COL25A1: variants seen among roughly 807,000 people sequenced by gnomAD.
COL25A1 encodes the protein collagen alpha-1(XXV) chain.
Under a neutral mutation model 128.4 loss-of-function variants are expected in COL25A1, and 103 were observed. That is an observed-to-expected ratio of 0.80 (90% CI 0.68 to 0.94). The LOEUF (loss-of-function observed/expected upper bound fraction) is 0.94, where lower values mean the gene tolerates loss of function less well. Ranked by LOEUF, COL25A1 falls within the 40% of genes least tolerant of loss-of-function variation. The pLI is 0.00. For missense variants in COL25A1, 745 were observed against 840.0 expected, an observed-to-expected ratio of 0.89 and a Z score of 1.40; for synonymous variants, 279 against 277.2, an observed-to-expected ratio of 1.01 and a Z score of -0.06.
chr4:109,040,852 GT>G (rs904977536), intron 5 of COL25A1, among the ~76,000 whole-genome samples: 1 of 151,962 alleles, frequency 6.6e-6, no homozygotes, highest in African/African-American at 2.4e-5. Flanking sequence ...GTCTGTTTTG[GT>G]TTTTTATTTT....
At chr4:108,962,548 T>C (rs1419538991) in intron 8 of COL25A1, among the ~76,000 whole-genome samples, 1 of 152,076 alleles carries the variant, frequency 6.6e-6, no homozygotes, top group Admixed American at 6.6e-5. Flanking sequence ...GAAAAGAGTA[T>C]CCTATGTAAC....
chr4:109,197,630 C>T (rs1776231013), intron 3 of COL25A1, among the ~76,000 whole-genome samples: 1 of 148,700 alleles, frequency 6.7e-6, no homozygotes, highest in South Asian at 2.1e-4. Context: ...AATTTAAAAG[C>T]CTGTAACTTA....
intron 3 of COL25A1, among the ~76,000 whole-genome samples, chr4:109,155,224 C>T (rs1391245308): frequency 6.6e-6 from 1 of 152,148 alleles, no homozygotes; most frequent in Admixed American, 6.5e-5. Flanking sequence ...AATTCCTCTC[C>T]TTCTTCTACA....
chr4:108,874,096 T>C (rs1399446991), intron 19 of COL25A1, among the ~76,000 whole-genome samples: 1 of 152,198 alleles, frequency 6.6e-6, no homozygotes, highest in Non-Finnish European at 1.5e-5. Context: ...ACAATTTCTG[T>C]TAACCAGGGT....
rs944941870 is a variant in COL25A1, at chr4:108,808,948, G to A, written c.*4979C>T. On this transcript the variant is annotated 3_prime_UTR_variant, in exon 38 of 38. Coordinates refer to ENST00000399132, the MANE Select transcript of COL25A1 (RefSeq NM_198721.4). ...AACACAATGCAATTATCTCCAAACC[G>A]CAAATCAAAAATCTTATGCATCTTT... The A allele has an allele frequency of 1.3e-5, 2 of 152,034 alleles. No individual in the cohort carries two copies. Among genetic ancestry groups the A allele is most frequent in the African/African-American group, 2.4e-5 (1 of 41,402 alleles). 9.4% of individuals were successfully genotyped at this position (152,034 alleles called of 1,614,324 possible). A position where few individuals can be genotyped will look rare whatever the true frequency, so the allele number is the denominator to read the frequency against.
At chr4:109,234,291 T>G (rs1047764616) in intron 3 of COL25A1, among the ~76,000 whole-genome samples, 1 of 152,170 alleles carries the variant, frequency 6.6e-6, no homozygotes, top group African/African-American at 2.4e-5. Context: ...CCTTCAAGAC[T>G]GTGCCTTCCC....
At chr4:109,254,688 T>G (rs2126248487) in intron 3 of COL25A1, among the ~76,000 whole-genome samples, 1 of 151,640 alleles carries the variant, frequency 6.6e-6, no homozygotes, top group South Asian at 2.1e-4. Context: ...AGTAAGTAAA[T>G]TTTGGTTAAA....
chr4:109,045,046 C>A (rs1760298788), intron 5 of COL25A1, among the ~76,000 whole-genome samples: 2 of 152,088 alleles, frequency 1.3e-5, no homozygotes, highest in African/African-American at 4.8e-5. Flanking sequence ...TCAATGTGAA[C>A]ATGGTGAGGA....
intron 3 of COL25A1, among the ~76,000 whole-genome samples, chr4:109,137,052 T>G (rs1769850277): frequency 6.6e-6 from 1 of 152,196 alleles, no homozygotes; most frequent in African/African-American, 2.4e-5. Context: ...CACCCATTCC[T>G]AGACACCTGA....
In COL25A1 at chr4:109,179,268, T is replaced by C. The variant is rs1578369031; in HGVS notation, c.367+121315A>G. Among the ~76,000 whole-genome samples, 3 of 152,168 alleles carry C rather than the reference T, an allele frequency of 2.0e-5. No individual in the cohort carries two copies. The East Asian group carries it at 5.8e-4, about 29-fold the overall frequency. Reference sequence around the variant, plus strand: ...TCCACTATTGAGTCCCAGCCTTCCTTGCAACCTGCCTTAACTGTCCTCACC... The same window carrying C: ...TCCACTATTGAGTCCCAGCCTTCCTCGCAACCTGCCTTAACTGTCCTCACC... On this transcript the variant is annotated intron_variant, in intron 3 of 37. Transcript: ENST00000399132.
rs531817360 is a variant in COL25A1 at position 109,136,225 on chromosome 4, C to T, written c.368-86046G>A. On this transcript the variant is annotated intron_variant, in intron 3 of 37. Transcript: ENST00000399132. ...CCAGCCTGGCCAACATGGTGAAACCCTGTCTCTACTAAAAATACAAAAAAT... is the reference window on the plus strand; with the variant it reads ...CCAGCCTGGCCAACATGGTGAAACCTTGTCTCTACTAAAAATACAAAAAAT... Among the ~76,000 whole-genome samples, 5 of 152,238 alleles carry T rather than the reference C, an allele frequency of 3.3e-5. No individual in the cohort carries two copies. The South Asian group carries it at 1.0e-3, about 32-fold the overall frequency.
In COL25A1 at chr4:108,905,523, AAAT is replaced by A. The variant is rs1012533976; in HGVS notation, c.781-4354_781-4352del. On this transcript the variant is annotated intron_variant, in intron 13 of 37. Transcript: ENST00000399132. ...TAAAACTTAAAGTATAATAATAAAA[AAAT>A]AAAAATAAAAATAATAATAATAATA... 1.6e-3 allele frequency among the ~76,000 whole-genome samples: 248 copies of A among 150,484 alleles called. 2 individuals carry two copies. Among genetic ancestry groups the A allele is most frequent in the African/African-American group, 5.8e-3 (238 of 41,274 alleles).
At chr4:108,994,531 C>T (rs1754555475) in intron 6 of COL25A1, among the ~76,000 whole-genome samples, 1 of 152,216 alleles carries the variant, frequency 6.6e-6, no homozygotes, top group Non-Finnish European at 1.5e-5. Context: ...CCTCTGTGGG[C>T]AGGGCATAGG....
intron 3 of COL25A1, among the ~76,000 whole-genome samples, chr4:109,090,157 A>G (rs910891897): frequency 1.3e-5 from 2 of 152,238 alleles, no homozygotes; most frequent in Admixed American, 1.3e-4. Flanking sequence ...TATTTCTTAA[A>G]CAAAATTACT....
chr4:109,240,267 A>T (rs928077628), intron 3 of COL25A1, among the ~76,000 whole-genome samples: 1 of 152,192 alleles, frequency 6.6e-6, no homozygotes, highest in South Asian at 2.1e-4. Flanking sequence ...CTGGAAGTGC[A>T]GTAGGTTTGT....
At chr4:108,909,936 C>T (rs558443724) in intron 13 of COL25A1, among the ~76,000 whole-genome samples, 26 of 152,290 alleles carry the variant, frequency 1.7e-4, no homozygotes, top group South Asian at 4.1e-4. Context: ...CATAGCTCCT[C>T]GTCAACAGTG....
chr4:109,183,707 A>G (rs915361073), intron 3 of COL25A1, among the ~76,000 whole-genome samples: 2 of 152,152 alleles, frequency 1.3e-5, no homozygotes, highest in Non-Finnish European at 2.9e-5. Context: ...ATCATTAGAA[A>G]TAAATGATAA....
At chr4:108,885,376 C>G (rs894429100) in intron 18 of COL25A1, among the ~76,000 whole-genome samples, 1 of 151,752 alleles carries the variant, frequency 6.6e-6, no homozygotes, top group African/African-American at 2.4e-5. Flanking sequence ...CAAAAAAGGA[C>G]AATGGTTTTC....
chr4:108,832,117 G>A (rs1272285937), intron 32 of COL25A1, among the ~76,000 whole-genome samples: 1 of 152,194 alleles, frequency 6.6e-6, no homozygotes, highest in Non-Finnish European at 1.5e-5. Flanking sequence ...CCTTATGGGT[G>A]AAGGAAGAAT....
Sources: gnomAD v4.1 joint callset for allele counts (sites outside exome capture counted in the v4.1 genomes callset) on GRCh38, gnomAD v4.1.1 for gene constraint, MANE v1.5 for transcripts, NCBI Gene and HGNC (gene_info 2026-07-23, HGNC 2026-07-21) for gene names.